TXNL1: variants seen among roughly 807,000 people sequenced by gnomAD.
TXNL1 encodes the protein thioredoxin-like protein 1.
TXNL1 carries 14 observed loss-of-function variants against 35.5 expected under a neutral mutation model. That is an observed-to-expected ratio of 0.39 (90% CI 0.26 to 0.62). The LOEUF (loss-of-function observed/expected upper bound fraction) is 0.62, where lower values mean the gene tolerates loss of function less well. Ranked by LOEUF, TXNL1 falls within the 20% of genes least tolerant of loss-of-function variation. The pLI is 0.47. For missense variants in TXNL1, 263 were observed against 349.7 expected, an observed-to-expected ratio of 0.75 and a Z score of 1.98; for synonymous variants, 110 against 115.5, an observed-to-expected ratio of 0.95 and a Z score of 0.31.
At chr18:56,630,718 C>G (rs1456074530) in intron 1 of TXNL1, among the ~76,000 whole-genome samples, 4 of 152,108 alleles carry the variant, frequency 2.6e-5, no homozygotes, top group Admixed American at 6.5e-5. Context: ...AAAACTGTTT[C>G]AAGATTTAAC....
rs77751173 is a variant in TXNL1, at chr18:56,610,620, T to C, written c.840+373A>G. The C allele has an allele frequency of 8.2e-3, 1,259 of 153,106 alleles. 10 individuals carry two copies. The highest frequency in any genetic ancestry group is 0.011 in the Non-Finnish European group (749 of 68,572). 9.5% of individuals were successfully genotyped at this position (153,106 alleles called of 1,614,324 possible). Reference sequence around the variant, plus strand: ...AAGTAATTTAAAATTTCATCAGAAATAATCACCAGAATCTTACTATCAACT... The same window carrying C: ...AAGTAATTTAAAATTTCATCAGAAACAATCACCAGAATCTTACTATCAACT... On this transcript the variant is annotated intron_variant, in intron 7 of 7. Coordinates refer to ENST00000217515, the MANE Select transcript of TXNL1 (RefSeq NM_004786.3).
intron 3 of TXNL1, among the ~76,000 whole-genome samples, chr18:56,620,422 C>T (rs1035967869): frequency 1.3e-5 from 2 of 152,150 alleles, no homozygotes; most frequent in Admixed American, 6.5e-5. Flanking sequence ...TAAAAGTTTT[C>T]TTTTTACTTA....
chr18:56,599,078 A>G lies in TXNL1; in HGVS notation c.*3949T>C, dbSNP rs749044928. The G allele has an allele frequency of 1.3e-5, 2 of 152,264 alleles. No individual in the cohort carries two copies. Among genetic ancestry groups the G allele is most frequent in the Non-Finnish European group, 2.9e-5 (2 of 68,044 alleles). The allele number at this position is 152,264 out of a possible 1,614,324, so 9.4% of individuals were successfully genotyped here. ...GGAAAAATACTCTAGCAGTTTTAAC[A>G]TTGCATATCCTTAAGATTTTAATAT... On this transcript the variant is annotated 3_prime_UTR_variant, in exon 8 of 8. Coordinates refer to ENST00000217515, the MANE Select transcript of TXNL1 (RefSeq NM_004786.3).
At chr18:56,638,275 C>A in intron 1 of TXNL1, 68 bp downstream of exon 1, 4 of 1,479,288 alleles carry the variant, frequency 2.7e-6, no homozygotes, top group Non-Finnish European at 3.7e-6. Context: ...GAAACCAGGG[C>A]CAACAAAGAG....
At chr18:56,637,238 AT>A (rs1231342598) in intron 1 of TXNL1, among the ~76,000 whole-genome samples, 1 of 152,186 alleles carries the variant, frequency 6.6e-6, no homozygotes, top group East Asian at 1.9e-4. Context: ...TTAGTGAACC[AT>A]CTAGTAGAAA....
intron 1 of TXNL1, among the ~76,000 whole-genome samples, chr18:56,628,741 G>A (rs1375276816): frequency 6.6e-6 from 1 of 152,200 alleles, no homozygotes; most frequent in African/African-American, 2.4e-5. Flanking sequence ...TGTTCAGTTT[G>A]TGAAAATTAA....
rs554298787 is a variant in TXNL1 at position 56,601,494 on chromosome 18, T to C, written c.*1533A>G. On this transcript the variant is annotated 3_prime_UTR_variant, in exon 8 of 8. Coordinates refer to ENST00000217515, the MANE Select transcript of TXNL1 (RefSeq NM_004786.3). ...AAACCAAAACCCTGCATATTAATCT[T>C]ATCCTTAATTTCAGATGTGATTAAT... The C allele has an allele frequency of 3.3e-5, 5 of 152,350 alleles. No homozygotes were observed. The highest frequency in any genetic ancestry group is 9.6e-5 in the African/African-American group (4 of 41,596). The allele number at this position is 152,350 out of a possible 1,614,324, so 9.4% of individuals were successfully genotyped here. A position where few individuals can be genotyped will look rare whatever the true frequency, so the allele number is the denominator to read the frequency against.
intron 6 of TXNL1, 54 bp from the exon 7 acceptor site, chr18:56,611,151 T>C: frequency 8.6e-7 from 1 of 1,160,630 alleles, no homozygotes; most frequent in Non-Finnish European, 1.3e-6. Context: ...CAAACATGCT[T>C]TAAGTTTAAT....
At chr18:56,623,468 CT>C (rs1285672449) in intron 3 of TXNL1, among the ~76,000 whole-genome samples, 4 of 150,498 alleles carry the variant, frequency 2.7e-5, no homozygotes, top group East Asian at 3.9e-4. Flanking sequence ...CTTGAGGTAA[CT>C]TTTTTTAAAA....
rs112309088 is a variant in TXNL1, at chr18:56,638,456, G to A, written c.-16C>T. ...CCCCCACCATCCTCACAGAGAGCCC[G>A]GCAGGGTGGCCGCGACGCCACTGGC... On this transcript the variant is annotated 5_prime_UTR_variant, in exon 1 of 8. Transcript: ENST00000217515. 1.2e-6 allele frequency: 2 copies of A among 1,607,368 alleles called. No homozygotes were observed. The highest frequency in any genetic ancestry group is 1.3e-5 in the African/African-American group (1 of 74,936).
chr18:56,616,553 T>G (rs947634070), intron 4 of TXNL1, among the ~76,000 whole-genome samples: 1 of 152,180 alleles, frequency 6.6e-6, no homozygotes, highest in Non-Finnish European at 1.5e-5. Context: ...AAGTAAATAC[T>G]AAAACTATGC....
At chr18:56,606,325 C>T (rs537714018) in intron 7 of TXNL1, among the ~76,000 whole-genome samples, 14 of 151,468 alleles carry the variant, frequency 9.2e-5, no homozygotes, top group Admixed American at 5.3e-4. Context: ...TGCAGTGAGC[C>T]GAGATCACAC....
At chr18:56,617,769 C>A (rs912831676) in intron 4 of TXNL1, among the ~76,000 whole-genome samples, 1 of 152,136 alleles carries the variant, frequency 6.6e-6, no homozygotes, top group Non-Finnish European at 1.5e-5. Context: ...TGCAGTGGGT[C>A]CCACCCAAGA....
At chr18:56,630,081 C>T (rs1476322506) in intron 1 of TXNL1, among the ~76,000 whole-genome samples, 5 of 152,042 alleles carry the variant, frequency 3.3e-5, no homozygotes, top group Non-Finnish European at 5.9e-5. Context: ...TGCCTATAGT[C>T]CCAGCTATTC....
intron 1 of TXNL1, among the ~76,000 whole-genome samples, chr18:56,630,627 T>C (rs191572936): frequency 1.3e-5 from 2 of 152,306 alleles, no homozygotes; most frequent in Non-Finnish European, 2.9e-5. Flanking sequence ...TCTCTATTCA[T>C]CAATTATTTA....
intron 3 of TXNL1, among the ~76,000 whole-genome samples, chr18:56,621,870 G>A (rs900603929): frequency 6.6e-6 from 1 of 151,652 alleles, no homozygotes; most frequent in African/African-American, 2.4e-5. Flanking sequence ...TGTGGTGGTG[G>A]GCACCTATAA....
intron 2 of TXNL1, 83 bp from the exon 3 acceptor site, chr18:56,624,544 A>C: frequency 1.4e-6 from 2 of 1,407,950 alleles, no homozygotes; most frequent in Non-Finnish European, 1.9e-6. Flanking sequence ...TGGAAGTTAA[A>C]TACCATAAGC....
At chr18:56,635,412 G>A (rs955694150) in intron 1 of TXNL1, among the ~76,000 whole-genome samples, 3 of 152,076 alleles carry the variant, frequency 2.0e-5, no homozygotes, top group African/African-American at 4.8e-5. Context: ...ATAAATAAAT[G>A]GATTATGTTA....
chr18:56,607,544 G>A (rs76129044), intron 7 of TXNL1, among the ~76,000 whole-genome samples: 5,077 of 152,006 alleles, frequency 0.033, 266 homozygotes, highest in African/African-American at 0.11. Context: ...CTCGACTTCC[G>A]ATGGGGTAAT....
Sources: allele counts gnomAD v4.1 joint callset (sites outside exome capture counted in the v4.1 genomes callset), GRCh38; gene constraint gnomAD v4.1.1; transcripts MANE v1.5; gene names NCBI Gene and HGNC (gene_info 2026-07-23, HGNC 2026-07-21).